The following RPSA2 variants were observed in gnomAD, a reference collection of about 807,000 sequenced individuals.
RPSA2 encodes the protein ribosomal protein SA 2, also known as small ribosomal subunit protein uS2B.
At chr19:23,840,344 A>T in the RPSA2 span, among the ~76,000 whole-genome samples, 20 of 152,116 alleles carry the variant, frequency 1.3e-4, no homozygotes, top group Non-Finnish European at 7.3e-5. Flanking sequence ...CATATCACAA[A>T]TAGTACCTTG....
At chr19:23,841,591 C>T in the RPSA2 span, among the ~76,000 whole-genome samples, 2 of 152,172 alleles carry the variant, frequency 1.3e-5, no homozygotes, top group Admixed American at 1.3e-4. Context: ...CCAACCCAAT[C>T]GGAGGTCTGA....
the RPSA2 span, among the ~76,000 whole-genome samples, chr19:23,792,764 C>T: frequency 1.3e-3 from 203 of 151,908 alleles, no homozygotes; most frequent in Admixed American, 2.5e-3. Flanking sequence ...CTGCCCGCCT[C>T]GGCCTCCCAA....
chr19:23,851,300 G>T, the RPSA2 span, among the ~76,000 whole-genome samples: 1 of 152,178 alleles, frequency 6.6e-6, no homozygotes, highest in Non-Finnish European at 1.5e-5. Context: ...AGTAAGCTTA[G>T]CCTCTTTCCA....
chr19:23,866,536 A>C, the RPSA2 span, among the ~76,000 whole-genome samples: 4 of 138,430 alleles, frequency 2.9e-5, no homozygotes, highest in African/African-American at 1.1e-4. Flanking sequence ...CAGTGGAAAT[A>C]ATGCCAGGAC....
the RPSA2 span, among the ~76,000 whole-genome samples, chr19:23,828,928 T>G: frequency 7.9e-6 from 1 of 126,566 alleles, no homozygotes; most frequent in East Asian, 2.2e-4. Flanking sequence ...CTTGGAACCC[T>G]AATGTGAGAC....
At chr19:23,791,880 T>G in the RPSA2 span, among the ~76,000 whole-genome samples, 1 of 151,982 alleles carries the variant, frequency 6.6e-6, no homozygotes, top group Admixed American at 6.6e-5. Context: ...GCTGAGATTA[T>G]AGGTGCCTGC....
the RPSA2 span, among the ~76,000 whole-genome samples, chr19:23,779,613 C>G: frequency 2.6e-5 from 4 of 152,178 alleles, no homozygotes; most frequent in East Asian, 7.7e-4. Context: ...GAAACCAGAA[C>G]TTAGGTGATG....
the RPSA2 span, among the ~76,000 whole-genome samples, chr19:23,786,092 A>G: frequency 1.1e-3 from 171 of 152,338 alleles, no homozygotes; most frequent in Admixed American, 1.8e-3. Flanking sequence ...TTCTAAATCC[A>G]GTACTTTAGC....
the RPSA2 span, among the ~76,000 whole-genome samples, chr19:23,848,420 A>T: frequency 6.6e-6 from 1 of 152,208 alleles, no homozygotes; most frequent in Non-Finnish European, 1.5e-5. Flanking sequence ...AATACCAAAC[A>T]TTACTACAAT....
chr19:23,836,075 G>C, the RPSA2 span, among the ~76,000 whole-genome samples: 1 of 152,078 alleles, frequency 6.6e-6, no homozygotes, highest in Non-Finnish European at 1.5e-5. Context: ...GTGGTGATTT[G>C]TGAGATCTTG....
chr19:23,798,723 A>G, the RPSA2 span, among the ~76,000 whole-genome samples: 1 of 152,206 alleles, frequency 6.6e-6, no homozygotes, highest in Non-Finnish European at 1.5e-5. Context: ...TTAGTCTGCT[A>G]TGCTTATTAA....
the RPSA2 span, chr19:23,832,005 C>A: frequency 2.4e-6 from 1 of 420,534 alleles, no homozygotes; most frequent in South Asian, 2.1e-5. Flanking sequence ...TTAATTGGTC[C>A]TCAATCCTTA....
chr19:23,778,238 G>T, the RPSA2 span, among the ~76,000 whole-genome samples: 1 of 152,148 alleles, frequency 6.6e-6, no homozygotes, highest in East Asian at 1.9e-4. Context: ...TTTTGATGGA[G>T]TTTCACTCTT....
At chr19:23,775,974 G>A in the RPSA2 span, among the ~76,000 whole-genome samples, 34 of 152,268 alleles carry the variant, frequency 2.2e-4, no homozygotes, top group Admixed American at 3.9e-4. Flanking sequence ...TAATTCTTCA[G>A]AATTGGCCCA....
the RPSA2 span, among the ~76,000 whole-genome samples, chr19:23,778,348 G>A: frequency 6.6e-6 from 1 of 152,168 alleles, no homozygotes; most frequent in African/African-American, 2.4e-5. Flanking sequence ...AAGTAGCTGG[G>A]ATTACAGGCC....
At chr19:23,794,077 G>A in the RPSA2 span, among the ~76,000 whole-genome samples, 1 of 152,114 alleles carries the variant, frequency 6.6e-6, no homozygotes, top group Non-Finnish European at 1.5e-5. Context: ...TGATCATACC[G>A]TATTTTCTTT....
At chr19:23,835,785 C>A in the RPSA2 span, among the ~76,000 whole-genome samples, 2 of 152,140 alleles carry the variant, frequency 1.3e-5, no homozygotes, top group African/African-American at 4.8e-5. Flanking sequence ...ATGTGCCCGC[C>A]ACCATGCCCA....
chr19:23,835,091 T>G, the RPSA2 span, among the ~76,000 whole-genome samples: 1 of 152,128 alleles, frequency 6.6e-6, no homozygotes, highest in Non-Finnish European at 1.5e-5. Flanking sequence ...TAAGTTATTT[T>G]TAATGTACAA....
the RPSA2 span, among the ~76,000 whole-genome samples, chr19:23,810,572 A>G: frequency 5.9e-5 from 9 of 152,136 alleles, no homozygotes; most frequent in African/African-American, 2.2e-4. Context: ...GGATGTGATG[A>G]GAGTGGCTTT....
Sources: gnomAD v4.1 joint callset for allele counts (sites outside exome capture counted in the v4.1 genomes callset) on GRCh38, gnomAD v4.1.1 for gene constraint, MANE v1.5 for transcripts, NCBI Gene and HGNC (gene_info 2026-07-23, HGNC 2026-07-21) for gene names.